The following TNRC6A variants were observed in gnomAD, a reference collection of about 807,000 sequenced individuals.
TNRC6A encodes the protein trinucleotide repeat-containing gene 6A protein.
TNRC6A carries 44 observed loss-of-function variants against 221.2 expected under a neutral mutation model. The ratio of observed to expected loss-of-function variants is 0.20; its 90% CI spans 0.16 to 0.26. The LOEUF (loss-of-function observed/expected upper bound fraction) is 0.26, where lower values mean the gene tolerates loss of function less well. Among genes scored for constraint, TNRC6A ranks in the 10% least tolerant of loss-of-function variants. The probability of loss-of-function intolerance (pLI) is 1.00; values close to 1 mark genes in which losing one functional copy is unlikely to be tolerated. For synonymous variants in TNRC6A, 847 were observed against 838.5 expected, an observed-to-expected ratio of 1.01 and a Z score of -0.18; for missense variants, 2,199 against 2,404.4, an observed-to-expected ratio of 0.91 and a Z score of 1.79.
At chr16:24,813,664 A>G (rs2058594847) in intron 18 of TNRC6A, among the ~76,000 whole-genome samples, 1 of 152,174 alleles carries the variant, frequency 6.6e-6, no homozygotes, top group Non-Finnish European at 1.5e-5. Context: ...ATCTCATCAG[A>G]TACCCTACCT....
chr16:24,636,276 A>G (rs1014158880), intron 1 of TNRC6A, among the ~76,000 whole-genome samples: 28 of 152,076 alleles, frequency 1.8e-4, no homozygotes, highest in African/African-American at 6.8e-4. Flanking sequence ...TCATTCATTC[A>G]TTCAAGAATT....
intron 3 of TNRC6A, among the ~76,000 whole-genome samples, chr16:24,752,661 CTT>C (rs2057164606): frequency 6.6e-6 from 1 of 152,154 alleles, no homozygotes; most frequent in Admixed American, 6.5e-5. Flanking sequence ...GGGGTAAAGG[CTT>C]ATCAGACTCT....
At chr16:24,626,329 A>G (rs1400150343) in intron 1 of TNRC6A, among the ~76,000 whole-genome samples, 8 of 152,332 alleles carry the variant, frequency 5.3e-5, no homozygotes, top group Non-Finnish European at 2.9e-5. Flanking sequence ...CAGGAAAAAA[A>G]GAACATAAAG....
At position 24,824,614 on chromosome 16, in the gene TNRC6A, A is replaced by C. The variant is rs1372326954; in HGVS notation, c.*807A>C. The stretch of plus-strand genomic sequence containing the variant: ...AAAATGTTTACTCTTCCATCATTTA[A>C]AAAAAATGTAAAAGACAAAAAAAAA... On this transcript the variant is annotated 3_prime_UTR_variant, in exon 25 of 25. Transcript: ENST00000395799. 1 of 144,286 alleles carries C rather than the reference A, an allele frequency of 6.9e-6. No individual in the cohort carries two copies. Among genetic ancestry groups the C allele is most frequent in the Admixed American group, 6.8e-5 (1 of 14,636 alleles). 8.9% of individuals were successfully genotyped at this position (144,286 alleles called of 1,614,324 possible).
intron 5 of TNRC6A, among the ~76,000 whole-genome samples, chr16:24,784,015 G>A (rs2057911175): frequency 6.6e-6 from 1 of 152,070 alleles, no homozygotes; most frequent in Admixed American, 6.6e-5. Flanking sequence ...TTGTTGTTTT[G>A]AGATGGAGTT....
intron 2 of TNRC6A, among the ~76,000 whole-genome samples, chr16:24,695,402 T>A (rs373823445): frequency 7.2e-5 from 11 of 152,176 alleles, no homozygotes; most frequent in East Asian, 1.9e-4. Flanking sequence ...ATATATATAT[T>A]TTTTGTTTTG....
chr16:24,687,057 A>T (rs2055640944), intron 2 of TNRC6A, among the ~76,000 whole-genome samples: 1 of 152,160 alleles, frequency 6.6e-6, no homozygotes, highest in Admixed American at 6.6e-5. Flanking sequence ...TGAGGTTTAA[A>T]TAAGTGAATG....
In TNRC6A at chr16:24,791,237, T is replaced by A; in HGVS notation, c.2595T>A (p.His865Gln). The A allele has an allele frequency of 3.7e-6, 6 of 1,614,046 alleles. No homozygotes were observed. The highest frequency in any genetic ancestry group is 4.2e-6 in the Non-Finnish European group (5 of 1,180,020). Residue 865 changes from histidine to glutamine, a missense_variant, in exon 6 of 25, where the codon CAT (histidine) becomes CAA (glutamine). Physicochemically the swap from His to Gln is conservative, Grantham distance 24 (BLOSUM62 0). This residue lies in a region of TNRC6A where 1,405 missense variants were observed against 1,400.2 expected (regional missense o/e 1.00). Transcript: ENST00000395799. ...GGGGAGAAACTTCAAGGAATAACCA[T>A]TGGGGTGAGGCCAATAAGAAATCCA... ...DNWGETSRNN[H>Q]WGEANKKSSS...
chr16:24,714,693 A>G (rs1414644601), intron 2 of TNRC6A, among the ~76,000 whole-genome samples: 1 of 152,046 alleles, frequency 6.6e-6, no homozygotes, highest in Non-Finnish European at 1.5e-5. Flanking sequence ...TTTCTAAAAT[A>G]TCTTTCAGGG....
At position 24,790,993 on chromosome 16, in the gene TNRC6A, G is replaced by A. The variant is rs1256577818; in HGVS notation, c.2351G>A (p.Gly784Asp). 6.3e-7 allele frequency: 1 copy of A among 1,598,938 alleles called. No homozygotes were observed. The highest frequency in any genetic ancestry group is 1.7e-5 in the Admixed American group (1 of 59,100). ...GNDTSSVSGW[G>D]DPKPALRWGD... ...GATACCTCATCTGTATCAGGGTGGG[G>A]CGATCCCAAACCTGCTCTGAGGTGG... Residue 784 changes from glycine (G) to aspartate (D), a missense_variant, in exon 6 of 25, where the codon GGC becomes GAC. By Grantham distance (94) the Gly-to-Asp change is moderately conservative (BLOSUM62 -1). Coordinates refer to ENST00000395799, the MANE Select transcript of TNRC6A (RefSeq NM_014494.4).
At chr16:24,717,720 C>G (rs938005787) in intron 2 of TNRC6A, among the ~76,000 whole-genome samples, 4 of 150,134 alleles carry the variant, frequency 2.7e-5, no homozygotes, top group Admixed American at 2.0e-4. Context: ...TGCTTGTTGT[C>G]ACGTCATTTA....
intron 2 of TNRC6A, among the ~76,000 whole-genome samples, chr16:24,705,266 G>A (rs1419891009): frequency 6.6e-6 from 1 of 152,022 alleles, no homozygotes; most frequent in Non-Finnish European, 1.5e-5. Context: ...AATTTCTAGA[G>A]TCTAGAACCA....
intron 5 of TNRC6A, among the ~76,000 whole-genome samples, chr16:24,786,734 TGCA>T (rs1937238075): frequency 6.6e-6 from 1 of 151,956 alleles, no homozygotes; most frequent in African/African-American, 2.4e-5. Context: ...CAGGCTGGAG[TGCA>T]GTGGCGCCAT....
intron 2 of TNRC6A, among the ~76,000 whole-genome samples, chr16:24,710,704 A>T (rs2056188038): frequency 1.3e-5 from 2 of 151,382 alleles, no homozygotes. Flanking sequence ...TTACTTAAAT[A>T]TTATTTTTGT....
At chr16:24,768,926 G>A (rs914346738) in intron 4 of TNRC6A, among the ~76,000 whole-genome samples, 3 of 152,186 alleles carry the variant, frequency 2.0e-5, no homozygotes, top group Non-Finnish European at 2.9e-5. Flanking sequence ...ATGATTGTTG[G>A]CTGGTCCACA....
Position 24,812,019 on chromosome 16 carries a change from A to ATTTTTTTTTT in TNRC6A, c.4672+2576_4672+2585dup, listed in dbSNP as rs71156440. Among the ~76,000 whole-genome samples, 34 of 40,856 alleles carry ATTTTTTTTTT rather than the reference A, an allele frequency of 8.3e-4. 10 individuals carry two copies. Among genetic ancestry groups the ATTTTTTTTTT allele is most frequent in the East Asian group, 1.2e-3 (1 of 806 alleles). The allele number at this position is 40,856 out of a possible 152,430, so 26.8% of individuals were successfully genotyped here. Reference sequence around the variant, plus strand: ...CCGTTCAGGGGAATGTCACTTTGGGATTTTTTTTTTTTTTTTTTTTTTTTT... The same window carrying ATTTTTTTTTT: ...CCGTTCAGGGGAATGTCACTTTGGGATTTTTTTTTTTTTTTTTTTTTTTTTTTTTTTTTTT... On this transcript the variant is annotated intron_variant, in intron 18 of 24. Coordinates refer to ENST00000395799, the MANE Select transcript of TNRC6A (RefSeq NM_014494.4).
At chr16:24,809,861 TG>T (rs2058508265) in intron 18 of TNRC6A, among the ~76,000 whole-genome samples, 1 of 152,268 alleles carries the variant, frequency 6.6e-6, no homozygotes, top group South Asian at 2.1e-4. Context: ...TCACCCAGGC[TG>T]GAATGCATTG....
chr16:24,739,931 T>A (rs1041399933), intron 2 of TNRC6A, among the ~76,000 whole-genome samples: 7 of 152,264 alleles, frequency 4.6e-5, no homozygotes, highest in African/African-American at 1.7e-4. Context: ...ATAGTTTTAG[T>A]TCTTAATGTT....
chr16:24,680,218 A>G (rs1006591776), intron 2 of TNRC6A, among the ~76,000 whole-genome samples: 13 of 151,772 alleles, frequency 8.6e-5, no homozygotes, highest in Admixed American at 2.6e-4. Flanking sequence ...TGACTTATCC[A>G]AGACCAGCCT....
Sources: allele counts gnomAD v4.1 joint callset (sites outside exome capture counted in the v4.1 genomes callset), GRCh38; gene constraint gnomAD v4.1.1; regional missense constraint gnomAD v4.1.1; transcripts MANE v1.5; gene names NCBI Gene and HGNC (gene_info 2026-07-23, HGNC 2026-07-21).